Variants in HDLBP observed in about 807,000 individuals in gnomAD.
HDLBP encodes vigilin.
Under a neutral mutation model 137.3 loss-of-function variants are expected in HDLBP, and 30 were observed. The observed-to-expected ratio is 0.22, with a 90% confidence interval of 0.16 to 0.30. The LOEUF (loss-of-function observed/expected upper bound fraction) is 0.30. HDLBP is among the 10% of genes least tolerant of loss of function. The pLI, the probability that HDLBP is intolerant of heterozygous loss-of-function variation, is 1.00. For synonymous variants in HDLBP, 606 were observed against 596.0 expected, an observed-to-expected ratio of 1.02 and a Z score of -0.24; for missense variants, 1,119 against 1,667.3, an observed-to-expected ratio of 0.67 and a Z score of 5.73.
At chr2:241,273,212 A>G (rs1230286300) in intron 1 of HDLBP, 18 of 985,502 alleles carry the variant, frequency 1.8e-5, no homozygotes, top group Non-Finnish European at 2.2e-5. Flanking sequence ...GGATGGCCAC[A>G]CTGGCACGAG....
intron 1 of HDLBP, among the ~76,000 whole-genome samples, chr2:241,313,269 T>G (rs533359549): frequency 1.3e-5 from 2 of 152,142 alleles, no homozygotes; most frequent in South Asian, 2.1e-4. Context: ...AAAAGAAAAG[T>G]CTATATCCTC....
chr2:241,235,139 C>T lies in HDLBP; in HGVS notation c.3126G>A (p.Gln1042=). The T allele has an allele frequency of 2.5e-6, 4 of 1,613,768 alleles. No homozygotes were observed. Among genetic ancestry groups the T allele is most frequent in the South Asian group, 2.2e-5 (2 of 91,070 alleles). The change falls in exon 23 of 28, where the codon CAG becomes CAA. Residue 1042 remains glutamine, a synonymous_variant. Transcript: ENST00000310931. The stretch of plus-strand genomic sequence containing the variant: ...TGCTCACCCGGTCCTCCTGCTCGGC[C>T]TGTAGCTCCTTCACACGCTCCAGCA... The part of the protein sequence containing the change: ...AGLLERVKEL[Q]AEQEDRALRS...
rs921488633 is a variant in HDLBP at position 241,264,746 on chromosome 2, T to C, written c.77-141A>G. 5 of 777,952 alleles carry C rather than the reference T, an allele frequency of 6.4e-6. No individual in the cohort carries two copies. The African/African-American group carries it at 7.0e-5, about 11-fold the overall frequency. The allele number at this position is 777,952 out of a possible 1,614,324, so 48.2% of individuals were successfully genotyped here. A position where few individuals can be genotyped will look rare whatever the true frequency, so the allele number is the denominator to read the frequency against. On this transcript the variant is annotated intron_variant, in intron 3 of 27. Transcript: ENST00000310931. The stretch of plus-strand genomic sequence containing the variant: ...GACAACTCCCCCCACCCCTCTCTTC[T>C]AATTCATAGTGATAGGAAAAGGCCC...
At chr2:241,269,180 T>G (rs1574980654) in intron 1 of HDLBP, 1 of 152,086 alleles carries the variant, frequency 6.6e-6, no homozygotes, top group African/African-American at 2.4e-5. Context: ...AAGAACTCTG[T>G]GAAGTAGGAG....
At chr2:241,269,603 G>C (rs1483801301) in intron 1 of HDLBP, 2 of 152,208 alleles carry the variant, frequency 1.3e-5, no homozygotes, top group Non-Finnish European at 2.9e-5. Context: ...AGATGCACCA[G>C]ACACACAGAT....
intron 1 of HDLBP, among the ~76,000 whole-genome samples, chr2:241,278,244 C>T (rs1441566562): frequency 6.6e-6 from 1 of 152,148 alleles, no homozygotes; most frequent in East Asian, 1.9e-4. Context: ...TAAAGTTACT[C>T]GCCACATTAA....
intron 17 of HDLBP, among the ~76,000 whole-genome samples, chr2:241,241,559 T>C (rs1330873630): frequency 1.1e-5 from 1 of 88,614 alleles, no homozygotes; most frequent in East Asian, 3.7e-4. Flanking sequence ...AGAGCAAGAC[T>C]CCGTCTCAAA....
At chr2:241,306,288 T>A (rs1279983275) in intron 1 of HDLBP, among the ~76,000 whole-genome samples, 1 of 145,762 alleles carries the variant, frequency 6.9e-6, no homozygotes, top group Non-Finnish European at 1.5e-5. Context: ...TGAGATGGAG[T>A]CTTGTTCTTG....
intron 1 of HDLBP, among the ~76,000 whole-genome samples, chr2:241,296,322 C>T (rs1030320649): frequency 3.3e-5 from 5 of 152,132 alleles, no homozygotes; most frequent in Non-Finnish European, 5.9e-5. Context: ...AAAGTTTGAT[C>T]CCTACCTCAC....
chr2:241,236,855 CTGCTGGG>C lies in HDLBP; in HGVS notation c.2750-93_2750-87del, dbSNP rs2070539864. ...CAGAATGCATATGTCTGTGAGGCAC[CTGCTGGG>C]TGCTGGGTGGTAAAAGGGAGGGAAA... On this transcript the variant is annotated intron_variant, in intron 20 of 27. Transcript: ENST00000310931. 8 of 1,415,664 alleles carry C rather than the reference CTGCTGGG, an allele frequency of 5.7e-6. No individual in the cohort carries two copies. The South Asian group carries it at 6.4e-5, about 11-fold the overall frequency. 87.7% of individuals were successfully genotyped at this position (1,415,664 alleles called of 1,614,324 possible).
rs775670435 is a variant in HDLBP at position 241,230,783 on chromosome 2, A to T, written c.3450T>A (p.Ile1150=). 6.2e-7 allele frequency: 1 copy of T among 1,614,182 alleles called. No homozygotes were observed. Among genetic ancestry groups the T allele is most frequent in the Non-Finnish European group, 8.5e-7 (1 of 1,180,008 alleles). ...ARIIGARGKA[I]RKIMDEFKVD... ...CCTTGAATTCGTCCATGATTTTGCGAATGGCTTTGCCGCGGGCACCAATGA... is the reference window on the plus strand; with the variant it reads ...CCTTGAATTCGTCCATGATTTTGCGTATGGCTTTGCCGCGGGCACCAATGA... Residue 1150 remains isoleucine (I), a synonymous_variant, in exon 25 of 28, where the codon ATT becomes ATA. Coordinates refer to ENST00000310931, the MANE Select transcript of HDLBP (RefSeq NM_005336.6). The surrounding 1 kb of genome is among the most constrained non-coding windows in gnomAD (Gnocchi z 5.0).
intron 15 of HDLBP, 76 bp from the exon 16 acceptor site, chr2:241,246,959 G>C (rs563799266): frequency 1.5e-3 from 2,368 of 1,583,790 alleles, no homozygotes; most frequent in Non-Finnish European, 2.0e-3. Context: ...CACAGGGCTA[G>C]AAGTAAGGAA....
chr2:241,229,450 A>T lies in HDLBP; in HGVS notation c.*151T>A, dbSNP rs2069452394. 1 of 615,408 alleles carries T rather than the reference A, an allele frequency of 1.6e-6. No individual in the cohort carries two copies. The highest frequency in any genetic ancestry group is 2.9e-5 in the Admixed American group (1 of 34,148). The allele number at this position is 615,408 out of a possible 1,614,324, so 38.1% of individuals were successfully genotyped here. On this transcript the variant is annotated 3_prime_UTR_variant, in exon 28 of 28. Coordinates refer to ENST00000310931, the MANE Select transcript of HDLBP (RefSeq NM_005336.6). ...GGCCTGGAGGAGCGGCCGCACACAC[A>T]GCCAGGCGCTAGGCTCCCTGCGGGA...
chr2:241,231,104 G>A, intron 24 of HDLBP, 160 bp from the exon 25 acceptor site: 1 of 646,484 alleles, frequency 1.5e-6, no homozygotes, highest in Non-Finnish European at 2.6e-6. Flanking sequence ...TCCACTCAGG[G>A]CCGGGCACGG....
In HDLBP at chr2:241,238,392, G is replaced by A. The variant is rs527249968; in HGVS notation, c.2749+257C>T. The A allele has an allele frequency of 1.2e-4, 37 of 317,718 alleles. No individual in the cohort carries two copies. The highest frequency in any genetic ancestry group is 6.6e-4 in the African/African-American group (31 of 46,952). The allele number at this position is 317,718 out of a possible 1,614,324, so 19.7% of individuals were successfully genotyped here. ...GGGACACCCGAGGATGAGGCTGCAC[G>A]CTCCTCATCGCCTTGGGACTGGCTA... On this transcript the variant is annotated intron_variant, in intron 20 of 27. Transcript: ENST00000310931. This position sits in a 1 kb window ranked among gnomAD's most constrained non-coding sequence, Gnocchi z 4.9.
intron 1 of HDLBP, among the ~76,000 whole-genome samples, chr2:241,313,040 G>T (rs1192295494): frequency 6.6e-6 from 1 of 152,104 alleles, no homozygotes; most frequent in Admixed American, 6.5e-5. Flanking sequence ...CTCTTTCCTA[G>T]TCTTCCTGTC....
At chr2:241,267,565 G>A in intron 2 of HDLBP, 1 of 1,534,648 alleles carries the variant, frequency 6.5e-7, no homozygotes, top group Non-Finnish European at 8.7e-7. Context: ...CTGTCAATTT[G>A]CTCACCACAC....
chr2:241,251,425 C>T (rs1482533292), intron 11 of HDLBP, among the ~76,000 whole-genome samples: 1 of 152,208 alleles, frequency 6.6e-6, no homozygotes, highest in Non-Finnish European at 1.5e-5. Context: ...GAGAGCTCAC[C>T]ATTGCACAGG....
chr2:241,253,572 CTCTTCGG>C, intron 9 of HDLBP, 75 bp from the exon 10 acceptor site: 14 of 994,792 alleles, frequency 1.4e-5, no homozygotes, highest in Non-Finnish European at 2.1e-5. Context: ...AGTGGGAGCT[CTCTTCGG>C]AGCGGCTTCT....
Sources: allele counts gnomAD v4.1 joint callset (sites outside exome capture counted in the v4.1 genomes callset), GRCh38; gene constraint gnomAD v4.1.1; non-coding constraint Gnocchi (gnomAD v3.1); transcripts MANE v1.5; gene names NCBI Gene and HGNC (gene_info 2026-07-23, HGNC 2026-07-21).